The following TMEM128 variants were observed in gnomAD, a reference collection of about 807,000 sequenced individuals.
TMEM128 encodes the protein transmembrane protein 128.
Under a neutral mutation model 19.7 loss-of-function variants are expected in TMEM128, and 16 were observed. That is an observed-to-expected ratio of 0.81 (90% CI 0.55 to 1.23). TMEM128 has a LOEUF of 1.23. Ranked by LOEUF, TMEM128 falls within the 50% of genes most tolerant of loss-of-function variation. The pLI, the probability that TMEM128 is intolerant of heterozygous loss-of-function variation, is 0.00. For synonymous variants in TMEM128, 98 were observed against 75.8 expected, an observed-to-expected ratio of 1.29 and a Z score of -1.52; for missense variants, 237 against 200.8, an observed-to-expected ratio of 1.18 and a Z score of -1.09.
chr4:4,247,545 C>G, intron 1 of TMEM128: 1 of 1,613,352 alleles, frequency 6.2e-7, no homozygotes, highest in South Asian at 1.1e-5. Flanking sequence ...CTTACAATTT[C>G]TACTGAATTC....
chr4:4,245,515 C>T (rs1718131388), intron 2 of TMEM128, among the ~76,000 whole-genome samples: 1 of 152,122 alleles, frequency 6.6e-6, no homozygotes, highest in African/African-American at 2.4e-5. Flanking sequence ...TCTTTGAAGA[C>T]CTTCAGTCAG....
Position 4,248,191 on chromosome 4 carries a change from C to G in TMEM128, c.12G>C (p.Ser4=), listed in dbSNP as rs1185282301. ...GCCGCCGGAGCTGCTGCCGGGCCCGCGAGGAGTCCATCTTGGTACCGCCCC... is the reference window on the plus strand; with the variant it reads ...GCCGCCGGAGCTGCTGCCGGGCCCGGGAGGAGTCCATCTTGGTACCGCCCC... MDS[S]RARQQLRRRF... is the part of the protein sequence containing the mutation. Residue 4 remains serine (S), a synonymous_variant, in exon 1 of 5, where the codon TCG becomes TCC. Coordinates refer to ENST00000382753, the MANE Select transcript of TMEM128 (RefSeq NM_001297551.2). The G allele has an allele frequency of 3.3e-6, 5 of 1,525,202 alleles. No homozygotes were observed. The highest frequency in any genetic ancestry group is 2.0e-5 in the Admixed American group (1 of 49,320). 94.5% of individuals were successfully genotyped at this position (1,525,202 alleles called of 1,614,324 possible).
chr4:4,245,390 C>G (rs1218210251), intron 2 of TMEM128, among the ~76,000 whole-genome samples: 1 of 152,200 alleles, frequency 6.6e-6, no homozygotes, highest in African/African-American at 2.4e-5. Context: ...CACTCTAACA[C>G]AGTTACACCC....
chr4:4,237,268 T>G (rs111387149), intron 4 of TMEM128, among the ~76,000 whole-genome samples: 1 of 152,182 alleles, frequency 6.6e-6, no homozygotes, highest in Non-Finnish European at 1.5e-5. Context: ...GAATATAAGC[T>G]GACACAAATT....
At chr4:4,242,458 T>A (rs1717997510) in intron 2 of TMEM128, among the ~76,000 whole-genome samples, 1 of 151,916 alleles carries the variant, frequency 6.6e-6, no homozygotes, top group African/African-American at 2.4e-5. Flanking sequence ...CTTTTATCAT[T>A]ACCCCTAAGG....
intron 2 of TMEM128, among the ~76,000 whole-genome samples, chr4:4,244,741 T>C (rs1365635802): frequency 6.6e-6 from 1 of 152,102 alleles, no homozygotes. Context: ...AATGACACCA[T>C]GGGAAGGCAG....
intron 2 of TMEM128, among the ~76,000 whole-genome samples, chr4:4,242,726 C>T (rs779576494): frequency 1.7e-4 from 26 of 152,022 alleles, no homozygotes; most frequent in Non-Finnish European, 3.2e-4. Flanking sequence ...ACCATGTTGG[C>T]CAGGATGGTC....
chr4:4,242,617 C>T (rs1306550418), intron 2 of TMEM128, among the ~76,000 whole-genome samples: 1 of 151,804 alleles, frequency 6.6e-6, no homozygotes, highest in Non-Finnish European at 1.5e-5. Context: ...TTCCCAGGTT[C>T]AAGCTATCCT....
intron 2 of TMEM128, among the ~76,000 whole-genome samples, chr4:4,242,677 C>T (rs1017110856): frequency 2.0e-5 from 3 of 152,144 alleles, no homozygotes; most frequent in East Asian, 2.0e-4. Context: ...CAACACCACA[C>T]CCAGCTAATT....
At position 4,240,384 on chromosome 4, in the gene TMEM128, T is replaced by C. The variant is rs1577195007; in HGVS notation, c.335A>G (p.Tyr112Cys). Residue 112 changes from tyrosine (Y) to cysteine (C), a missense_variant, in exon 3 of 5, where the codon TAT (tyrosine) becomes TGT (cysteine). Tyr to Cys is a radical substitution (Grantham distance 194). Coordinates refer to ENST00000382753, the MANE Select transcript of TMEM128 (RefSeq NM_001297551.2). ...YLEWYCGIGE[Y>C]DVKYPALIPI... ...TATCAAGGCTGGATACTTGACATCA[T>C]ATTCTCCAATTCCACAATACCATTC... The C allele has an allele frequency of 3.7e-6, 6 of 1,614,174 alleles. No individual in the cohort carries two copies. The highest frequency in any genetic ancestry group is 5.1e-6 in the Non-Finnish European group (6 of 1,180,014).
intron 4 of TMEM128, chr4:4,237,225 C>T (rs1332142416): frequency 7.8e-6 from 3 of 385,824 alleles, no homozygotes; most frequent in African/African-American, 4.2e-5. Flanking sequence ...CCTGTATTCC[C>T]ATTTCTTAAG....
chr4:4,242,653 A>G (rs1156274805), intron 2 of TMEM128, among the ~76,000 whole-genome samples: 1 of 151,630 alleles, frequency 6.6e-6, no homozygotes, highest in East Asian at 2.0e-4. Context: ...TGAGCAGCTG[A>G]TATTACAGGT....
At chr4:4,242,090 T>C (rs1198592421) in intron 2 of TMEM128, among the ~76,000 whole-genome samples, 1 of 152,034 alleles carries the variant, frequency 6.6e-6, no homozygotes. Flanking sequence ...TTAGTAGAGA[T>C]GGGGTTTCAC....
At chr4:4,240,954 G>A (rs758455516) in intron 2 of TMEM128, among the ~76,000 whole-genome samples, 20 of 152,232 alleles carry the variant, frequency 1.3e-4, no homozygotes, top group Non-Finnish European at 2.4e-4. Flanking sequence ...GCGCAAGCCT[G>A]TAATCCAATC....
Position 4,248,194 on chromosome 4 carries a change from G to T in TMEM128, c.9C>A (p.Ser3=). The change falls in exon 1 of 5, where the codon TCC becomes TCA. Residue 3 remains serine, a synonymous_variant. Coordinates refer to ENST00000382753, the MANE Select transcript of TMEM128 (RefSeq NM_001297551.2). ...GCCGGAGCTGCTGCCGGGCCCGCGA[G>T]GAGTCCATCTTGGTACCGCCCCGAA... The part of the protein sequence containing the change: MD[S]SRARQQLRRR... 1 of 1,524,992 alleles carries T rather than the reference G, an allele frequency of 6.6e-7. No homozygotes were observed. Among genetic ancestry groups the T allele is most frequent in the Non-Finnish European group, 8.8e-7 (1 of 1,136,570 alleles). The allele number at this position is 1,524,992 out of a possible 1,614,324, so 94.5% of individuals were successfully genotyped here. A position where few individuals can be genotyped will look rare whatever the true frequency, so the allele number is the denominator to read the frequency against.
In TMEM128 at chr4:4,240,306, T is replaced by G. The variant is rs1383846586; in HGVS notation, c.398+15A>C. The G allele has an allele frequency of 6.2e-7, 1 of 1,612,784 alleles. No homozygotes were observed. Among genetic ancestry groups the G allele is most frequent in the Non-Finnish European group, 8.5e-7 (1 of 1,179,368 alleles). On this transcript the variant is annotated intron_variant, in intron 3 of 4. Coordinates refer to ENST00000382753, the MANE Select transcript of TMEM128 (RefSeq NM_001297551.2). ...TTGTTGTTCATTCCTGTTAGTCATT[T>G]CAAAGTTAACTTACCAAATTCCTGC...
chr4:4,240,279 A>AT (rs780019366), intron 3 of TMEM128, 42 bp downstream of exon 3: 1 of 1,596,032 alleles, frequency 6.3e-7, no homozygotes, highest in South Asian at 1.1e-5. Context: ...CAAAAAAAAA[A>AT]TTTGTTGTTC....
chr4:4,246,115 G>A, intron 2 of TMEM128, 87 bp downstream of exon 2: 2 of 1,390,680 alleles, frequency 1.4e-6, no homozygotes, highest in East Asian at 2.3e-5. Flanking sequence ...AGTAGTAGGT[G>A]CTTACTGTTT....
chr4:4,244,539 T>C (rs1311406760), intron 2 of TMEM128, among the ~76,000 whole-genome samples: 1 of 152,150 alleles, frequency 6.6e-6, no homozygotes, highest in Non-Finnish European at 1.5e-5. Flanking sequence ...CTAAGAGAGA[T>C]GACTGAGTCA....
Sources: allele counts gnomAD v4.1 joint callset (sites outside exome capture counted in the v4.1 genomes callset), GRCh38; gene constraint gnomAD v4.1.1; transcripts MANE v1.5; gene names NCBI Gene and HGNC (gene_info 2026-07-23, HGNC 2026-07-21).